The following SCGB2B2 variants were observed in gnomAD, a reference collection of about 807,000 sequenced individuals.
SCGB2B2 encodes secretoglobin-like protein.
Under a neutral mutation model 7.6 loss-of-function variants are expected in SCGB2B2, and 11 were observed. That is an observed-to-expected ratio of 1.45 (90% CI 0.91 to 2.40). The LOEUF is 2.40. Ranked by LOEUF, SCGB2B2 falls within the 30% of genes most tolerant of loss-of-function variation. The pLI is 0.00. For synonymous variants in SCGB2B2, 50 were observed against 48.6 expected (o/e 1.03, Z -0.12); for missense variants, 104 against 115.4 (o/e 0.90, Z 0.45).
rs944355556 is a variant in SCGB2B2 at position 34,676,572 on chromosome 19, T to A, written c.-2974A>T. On this transcript the variant is annotated 5_prime_UTR_variant, in exon 1 of 4. Transcript: ENST00000601241. The stretch of plus-strand genomic sequence containing the variant: ...AACAATGGAGTACCCATTGTTTCTT[T>A]ACTTTCTTAATACACTTGCTTTGGC... 1 of 152,198 alleles carries A rather than the reference T, an allele frequency of 6.6e-6. No individual in the cohort carries two copies. Among genetic ancestry groups the A allele is most frequent in the Non-Finnish European group, 1.5e-5 (1 of 68,040 alleles). 9.4% of individuals were successfully genotyped at this position (152,198 alleles called of 1,614,324 possible). A position where few individuals can be genotyped will look rare whatever the true frequency, so the allele number is the denominator to read the frequency against.
At chr19:34,637,147 G>A (rs2066704941) in intron 1 of SCGB2B2, among the ~76,000 whole-genome samples, 1 of 152,192 alleles carries the variant, frequency 6.6e-6, no homozygotes, top group Non-Finnish European at 1.5e-5. Context: ...GGAGGGAAGG[G>A]GGCAGAATTG....
At chr19:34,645,136 C>T (rs560165856) in intron 1 of SCGB2B2, among the ~76,000 whole-genome samples, 35 of 152,228 alleles carry the variant, frequency 2.3e-4, no homozygotes, top group South Asian at 1.0e-3. Flanking sequence ...GAAATATCTT[C>T]GTGAAGGGAC....
chr19:34,610,640 C>A (rs2065901053), intron 1 of SCGB2B2, among the ~76,000 whole-genome samples: 1 of 152,066 alleles, frequency 6.6e-6, no homozygotes. Context: ...CATTCACAAT[C>A]CTTGTATTCC....
At chr19:34,657,828 T>C (rs1049488290) in intron 1 of SCGB2B2, among the ~76,000 whole-genome samples, 2 of 152,152 alleles carry the variant, frequency 1.3e-5, no homozygotes, top group Non-Finnish European at 2.9e-5. Context: ...TATTCTAAAA[T>C]TGACCACATA....
At chr19:34,670,534 C>T (rs560816915) in intron 1 of SCGB2B2, among the ~76,000 whole-genome samples, 1 of 152,184 alleles carries the variant, frequency 6.6e-6, no homozygotes, top group Non-Finnish European at 1.5e-5. Context: ...ATCCCTCTAT[C>T]TTCTTTGGTT....
chr19:34,609,066 G>A (rs972237112), intron 1 of SCGB2B2, among the ~76,000 whole-genome samples: 1 of 151,970 alleles, frequency 6.6e-6, no homozygotes, highest in Non-Finnish European at 1.5e-5. Context: ...TTTCCCTGAT[G>A]ACTGGCGATG....
intron 1 of SCGB2B2, among the ~76,000 whole-genome samples, chr19:34,623,400 T>G (rs1392728888): frequency 6.6e-6 from 1 of 152,188 alleles, no homozygotes. Context: ...GTCCACTTCC[T>G]CCTTTTGGAG....
chr19:34,600,927 G>GTA (rs927164573), intron 1 of SCGB2B2, among the ~76,000 whole-genome samples: 3 of 143,434 alleles, frequency 2.1e-5, no homozygotes, highest in African/African-American at 8.9e-5. Context: ...TGGTGTGTGT[G>GTA]TGTGTGTGTG....
At chr19:34,675,443 T>A (rs2067899284) in intron 1 of SCGB2B2, among the ~76,000 whole-genome samples, 187 bp downstream of exon 1, 1 of 152,190 alleles carries the variant, frequency 6.6e-6, no homozygotes, top group African/African-American at 2.4e-5. Context: ...GACTCCATCT[T>A]GAATAGGGCC....
chr19:34,665,345 C>T (rs2146169515), intron 1 of SCGB2B2, among the ~76,000 whole-genome samples: 1 of 152,322 alleles, frequency 6.6e-6, no homozygotes, highest in East Asian at 1.9e-4. Context: ...GCCAGAGTCC[C>T]AAGTGAGGCT....
intron 1 of SCGB2B2, among the ~76,000 whole-genome samples, chr19:34,655,017 T>C (rs1356122281): frequency 1.3e-5 from 2 of 151,284 alleles, no homozygotes; most frequent in African/African-American, 4.9e-5. Flanking sequence ...GTACATTCTC[T>C]GTACCAATCA....
intron 1 of SCGB2B2, among the ~76,000 whole-genome samples, chr19:34,648,119 T>C (rs1240875917): frequency 1.3e-5 from 2 of 152,170 alleles, no homozygotes. Context: ...AATCCCACAC[T>C]GGCCTGGATA....
intron 1 of SCGB2B2, among the ~76,000 whole-genome samples, chr19:34,629,712 C>G (rs999406716): frequency 6.6e-6 from 1 of 151,982 alleles, no homozygotes; most frequent in Admixed American, 6.6e-5. Context: ...TTTATAGATT[C>G]AATGCCATCT....
intron 1 of SCGB2B2, among the ~76,000 whole-genome samples, chr19:34,635,899 C>T (rs957940198): frequency 1.3e-5 from 2 of 152,220 alleles, no homozygotes; most frequent in Admixed American, 6.5e-5. Context: ...GCCTCTGGTG[C>T]TAGGGGGTGT....
At position 34,592,171 on chromosome 19, in the gene SCGB2B2, G is replaced by A. The variant is rs1302622003; in HGVS notation, c.*1384C>T. 6.6e-6 allele frequency among the ~76,000 whole-genome samples: 1 copy of A among 152,174 alleles called. No individual in the cohort carries two copies. Among genetic ancestry groups the A allele is most frequent in the Non-Finnish European group, 1.5e-5 (1 of 68,030 alleles). The stretch of plus-strand genomic sequence containing the variant: ...GGCTGAGGGATGACAAGGAGAATGG[G>A]TGGAAGGGAGAAAGGGCATTTTGGG... On this transcript the variant is annotated 3_prime_UTR_variant, in exon 4 of 4. Transcript: ENST00000601241.
At chr19:34,606,146 TA>T (rs1179027053) in intron 1 of SCGB2B2, among the ~76,000 whole-genome samples, 2 of 152,062 alleles carry the variant, frequency 1.3e-5, no homozygotes, top group Non-Finnish European at 2.9e-5. Context: ...ACATAGTTAC[TA>T]AAAATTTGTT....
chr19:34,606,572 T>G (rs1358300688), intron 1 of SCGB2B2, among the ~76,000 whole-genome samples: 1 of 151,544 alleles, frequency 6.6e-6, no homozygotes, highest in Admixed American at 6.6e-5. Context: ...TTATCAAATT[T>G]CAAGTACAAC....
intron 1 of SCGB2B2, among the ~76,000 whole-genome samples, chr19:34,632,299 C>A (rs1295554438): frequency 2.0e-5 from 3 of 152,106 alleles, no homozygotes; most frequent in African/African-American, 7.2e-5. Context: ...TGCTATAGGA[C>A]AGACTGTTAA....
intron 1 of SCGB2B2, among the ~76,000 whole-genome samples, chr19:34,612,022 CTTTTTTTTTTTTTTTTTTTTTTTTT>C (rs753968261): frequency 2.4e-5 from 1 of 41,766 alleles, no homozygotes; most frequent in East Asian, 7.0e-4. Context: ...TTAGAAAATT[CTTTTTTTTTTTTTTTTTTTTTTTTT>C]TTTTTTTTTT....
Sources: allele counts gnomAD v4.1 joint callset (sites outside exome capture counted in the v4.1 genomes callset), GRCh38; gene constraint gnomAD v4.1.1; transcripts MANE v1.5; gene names NCBI Gene and HGNC (gene_info 2026-07-23, HGNC 2026-07-21).